Variants in KCTD8 observed in about 807,000 individuals in gnomAD.
The protein encoded by KCTD8 is potassium channel tetramerization domain containing 8, also known as BTB/POZ domain-containing protein KCTD8.
In KCTD8, 27 loss-of-function variants were observed where a neutral mutation model predicts 31.5. The ratio of observed to expected loss-of-function variants is 0.86; its 90% CI spans 0.63 to 1.18. The LOEUF (loss-of-function observed/expected upper bound fraction) is 1.18. Among genes scored for constraint, KCTD8 ranks in the 50% most tolerant of loss-of-function variants. KCTD8 has a pLI of 0.00. For missense variants in KCTD8, 658 were observed against 647.7 expected, an observed-to-expected ratio of 1.02 and a Z score of -0.17; for synonymous variants, 290 against 280.0, an observed-to-expected ratio of 1.04 and a Z score of -0.36.
intron 1 of KCTD8, among the ~76,000 whole-genome samples, chr4:44,259,344 CTT>C (rs760447546): frequency 6.6e-5 from 10 of 151,904 alleles, no homozygotes; most frequent in Non-Finnish European, 4.4e-5. Flanking sequence ...GCCGGTTTCT[CTT>C]TTAAACGAAG....
chr4:44,405,170 T>C (rs1720757174), intron 1 of KCTD8, among the ~76,000 whole-genome samples: 1 of 141,492 alleles, frequency 7.1e-6, no homozygotes, highest in Non-Finnish European at 1.6e-5. Context: ...TACATGGTCT[T>C]AGGTTAAAAA....
At chr4:44,187,321 C>T (rs1713618138) in intron 1 of KCTD8, among the ~76,000 whole-genome samples, 1 of 152,216 alleles carries the variant, frequency 6.6e-6, no homozygotes, top group Non-Finnish European at 1.5e-5. Flanking sequence ...TTGTTACAGA[C>T]ACCTTGCAAG....
chr4:44,438,847 T>C (rs1056440290), intron 1 of KCTD8, among the ~76,000 whole-genome samples: 3 of 152,196 alleles, frequency 2.0e-5, no homozygotes, highest in Admixed American at 2.0e-4. Flanking sequence ...TTTAATTGTG[T>C]CCCTGATACC....
chr4:44,276,582 T>A (rs933307010), intron 1 of KCTD8, among the ~76,000 whole-genome samples: 2 of 151,932 alleles, frequency 1.3e-5, no homozygotes, highest in African/African-American at 2.4e-5. Context: ...GAAAAGAAAG[T>A]AACCAATCTT....
intron 1 of KCTD8, among the ~76,000 whole-genome samples, chr4:44,235,764 C>T (rs114300326): frequency 6.6e-6 from 1 of 151,486 alleles, no homozygotes; most frequent in African/African-American, 2.4e-5. Flanking sequence ...TATAGCACAT[C>T]TTTTTGTTTA....
intron 1 of KCTD8, among the ~76,000 whole-genome samples, chr4:44,230,200 A>C (rs1715083713): frequency 1.3e-5 from 2 of 152,198 alleles, no homozygotes; most frequent in South Asian, 4.1e-4. Context: ...CCAGTAATGC[A>C]CCTAGTACAT....
chr4:44,280,809 G>A (rs144585231), intron 1 of KCTD8, among the ~76,000 whole-genome samples: 74 of 152,172 alleles, frequency 4.9e-4, no homozygotes, highest in Non-Finnish European at 8.4e-4. Flanking sequence ...TTGGTTGTCT[G>A]CTTGGGTTTC....
At chr4:44,311,360 C>A (rs1211048749) in intron 1 of KCTD8, among the ~76,000 whole-genome samples, 1 of 152,064 alleles carries the variant, frequency 6.6e-6, no homozygotes, top group Non-Finnish European at 1.5e-5. Flanking sequence ...GAGATTCTTT[C>A]ACCACAAATG....
intron 1 of KCTD8, among the ~76,000 whole-genome samples, chr4:44,335,355 G>A (rs1338491541): frequency 1.3e-5 from 2 of 151,080 alleles, no homozygotes; most frequent in Non-Finnish European, 3.0e-5. Flanking sequence ...TTATATTAAA[G>A]GAAGAAAAAT....
rs1418351383 is a variant in KCTD8 at position 44,448,288 on chromosome 4, G to A, written c.236C>T (p.Pro79Leu). 1.9e-6 allele frequency: 3 copies of A among 1,607,930 alleles called. No individual in the cohort carries two copies. Among genetic ancestry groups the A allele is most frequent in the Non-Finnish European group, 1.7e-6 (2 of 1,178,054 alleles). The change falls in exon 1 of 2, where the codon CCC becomes CTC. Residue 79 changes from proline to leucine, a missense_variant. Coordinates refer to ENST00000360029, the MANE Select transcript of KCTD8 (RefSeq NM_198353.3). The surrounding 1 kb of genome is among the most constrained non-coding windows in gnomAD (Gnocchi z 4.1). ...GCCCCGGCGCCGGGCGCCGCCACGGGGACTAGAGGGCGAGAACATGCTGGC... is the reference window on the plus strand; with the variant it reads ...GCCCCGGCGCCGGGCGCCGCCACGGAGACTAGAGGGCGAGAACATGCTGGC... Reference protein sequence around the residue: ...TLASMFSPSSPRGGARRRGEL... With the variant: ...TLASMFSPSSLRGGARRRGEL...
chr4:44,205,617 T>G (rs1414286968), intron 1 of KCTD8, among the ~76,000 whole-genome samples: 2 of 152,248 alleles, frequency 1.3e-5, no homozygotes, highest in African/African-American at 2.4e-5. Flanking sequence ...AGATTTGTTT[T>G]ATAAATATAC....
chr4:44,255,199 G>A (rs1577577353), intron 1 of KCTD8, among the ~76,000 whole-genome samples: 1 of 151,800 alleles, frequency 6.6e-6, no homozygotes. Context: ...TGGAGAACTT[G>A]TAGCTCCAAT....
At chr4:44,324,423 G>T (rs1246197854) in intron 1 of KCTD8, among the ~76,000 whole-genome samples, 1 of 151,934 alleles carries the variant, frequency 6.6e-6, no homozygotes, top group Non-Finnish European at 1.5e-5. Context: ...AATTGCAGAA[G>T]CTAATCTTTC....
At chr4:44,369,295 A>G (rs939954183) in intron 1 of KCTD8, among the ~76,000 whole-genome samples, 3 of 152,194 alleles carry the variant, frequency 2.0e-5, no homozygotes, top group Admixed American at 2.0e-4. Flanking sequence ...ATTCCCAAAG[A>G]AAAAATGTCT....
intron 1 of KCTD8, among the ~76,000 whole-genome samples, chr4:44,335,594 A>C (rs1718717345): frequency 6.6e-6 from 1 of 152,198 alleles, no homozygotes; most frequent in Non-Finnish European, 1.5e-5. Flanking sequence ...AGATATTTTA[A>C]AGATAAATAA....
chr4:44,347,817 C>T (rs1387659804), intron 1 of KCTD8, among the ~76,000 whole-genome samples: 1 of 152,076 alleles, frequency 6.6e-6, no homozygotes, highest in Admixed American at 6.6e-5. Context: ...CGGAATCATG[C>T]TAATGGCAAT....
At chr4:44,381,420 A>G (rs972242611) in intron 1 of KCTD8, among the ~76,000 whole-genome samples, 8 of 152,130 alleles carry the variant, frequency 5.3e-5, no homozygotes, top group African/African-American at 1.9e-4. Context: ...CAAATATAAT[A>G]AAATGCTTAG....
intron 1 of KCTD8, among the ~76,000 whole-genome samples, chr4:44,236,403 C>T (rs973386626): frequency 2.6e-5 from 4 of 152,068 alleles, no homozygotes; most frequent in Non-Finnish European, 5.9e-5. Flanking sequence ...CTCAAAAAAG[C>T]AACAAGAGTC....
chr4:44,334,415 G>T (rs1164063714), intron 1 of KCTD8, among the ~76,000 whole-genome samples: 2 of 151,556 alleles, frequency 1.3e-5, no homozygotes, highest in Non-Finnish European at 1.5e-5. Flanking sequence ...ATCCTCGCTA[G>T]TTTTTTTATG....
Sources: gnomAD v4.1 joint callset for allele counts (sites outside exome capture counted in the v4.1 genomes callset) on GRCh38, gnomAD v4.1.1 for gene constraint, Gnocchi (gnomAD v3.1) non-coding constraint, MANE v1.5 for transcripts, NCBI Gene and HGNC (gene_info 2026-07-23, HGNC 2026-07-21) for gene names.